Variants in EXOC6B observed in about 807,000 individuals in gnomAD.
EXOC6B encodes SEC15 homolog B.
EXOC6B carries 54 observed loss-of-function variants against 113.5 expected under a neutral mutation model. The ratio of observed to expected loss-of-function variants is 0.48; its 90% CI spans 0.38 to 0.60. The LOEUF is 0.60. Among genes scored for constraint, EXOC6B ranks in the 20% least tolerant of loss-of-function variants. The pLI, the probability that EXOC6B is intolerant of heterozygous loss-of-function variation, is 0.00. For synonymous variants in EXOC6B, 357 were observed against 339.0 expected (o/e 1.05, Z -0.58); for missense variants, 797 against 977.5 (o/e 0.82, Z 2.46).
intron 6 of EXOC6B, among the ~76,000 whole-genome samples, chr2:72,713,949 G>C (rs576114726): frequency 6.6e-6 from 1 of 152,078 alleles, no homozygotes; most frequent in African/African-American, 2.4e-5. Context: ...TTGACCTCTG[G>C]CCAATATAAT....
chr2:72,607,732 TACAA>T lies in EXOC6B; in HGVS notation c.670-32068_670-32065del, dbSNP rs144879063. Among the ~76,000 whole-genome samples the T allele has an allele frequency of 7.3e-3, 1,106 of 152,250 alleles. 13 individuals are homozygous for T. The highest frequency in any genetic ancestry group is 0.026 in the African/African-American group (1,061 of 41,566). On this transcript the variant is annotated intron_variant, in intron 6 of 21. Coordinates refer to ENST00000272427, the MANE Select transcript of EXOC6B (RefSeq NM_015189.3). ...TAATTCTTGTAAGTTAAGCAAACTT[TACAA>T]ACAAAGAAATTTTCTAATATTCTGT...
In EXOC6B at chr2:72,386,298, T is replaced by C. The variant is rs546622429; in HGVS notation, c.1981-6428A>G. Among the ~76,000 whole-genome samples the C allele has an allele frequency of 1.6e-4, 25 of 152,170 alleles. No homozygotes were observed. In the South Asian group the frequency reaches 5.0e-3, roughly 30 times the overall value. On this transcript the variant is annotated intron_variant, in intron 18 of 21. Transcript: ENST00000272427. ...TTAGAAAAATTGCAGCCTGGTCATG[T>C]AGTAGAAAAGAACAGCCCATTTTCA... is the stretch of plus-strand genomic sequence containing the variant.
chr2:72,708,620 A>G (rs767360731), intron 6 of EXOC6B, among the ~76,000 whole-genome samples: 11 of 152,218 alleles, frequency 7.2e-5, no homozygotes, highest in Non-Finnish European at 1.5e-4. Flanking sequence ...GAATTTTGGA[A>G]GGTGATAGAA....
chr2:72,519,996 A>G (rs1013123909), intron 8 of EXOC6B, among the ~76,000 whole-genome samples: 3 of 152,300 alleles, frequency 2.0e-5, no homozygotes, highest in Non-Finnish European at 4.4e-5. Flanking sequence ...AACATCAACT[A>G]CTTAGAAAAG....
chr2:72,397,990 T>G (rs561710439), intron 18 of EXOC6B, among the ~76,000 whole-genome samples: 2 of 152,286 alleles, frequency 1.3e-5, no homozygotes, highest in East Asian at 3.9e-4. Context: ...GTATAGCATT[T>G]GTAATGGTTA....
intron 19 of EXOC6B, among the ~76,000 whole-genome samples, chr2:72,339,811 G>T (rs146944831): frequency 6.6e-6 from 1 of 152,064 alleles, no homozygotes; most frequent in Admixed American, 6.5e-5. Context: ...AGGAAAGAAG[G>T]TATATTGTCA....
chr2:72,526,979 A>G (rs1286663571), intron 8 of EXOC6B, among the ~76,000 whole-genome samples: 2 of 152,064 alleles, frequency 1.3e-5, no homozygotes, highest in East Asian at 3.9e-4. Flanking sequence ...CATCCAGGAA[A>G]CTGATATTGA....
intron 19 of EXOC6B, among the ~76,000 whole-genome samples, chr2:72,351,318 G>A (rs1321910453): frequency 2.0e-5 from 3 of 152,140 alleles, no homozygotes; most frequent in Admixed American, 2.0e-4. Flanking sequence ...CAATTAAACG[G>A]TTCATAGTCA....
chr2:72,177,124 A>G lies in EXOC6B; in HGVS notation c.*2211T>C, dbSNP rs910981573. On this transcript the variant is annotated 3_prime_UTR_variant, in exon 22 of 22. Coordinates refer to ENST00000272427, the MANE Select transcript of EXOC6B (RefSeq NM_015189.3). ...ACTAAGAATGGAGAGAAGATATATC[A>G]AAGGGTCCATCTTTATGTCTTGAGC... The G allele has an allele frequency of 6.6e-6, 1 of 152,170 alleles. No individual in the cohort carries two copies. The highest frequency in any genetic ancestry group is 6.5e-5 in the Admixed American group (1 of 15,280). The allele number at this position is 152,170 out of a possible 1,614,324, so 9.4% of individuals were successfully genotyped here.
At chr2:72,471,029 G>A (rs1698374860) in intron 17 of EXOC6B, among the ~76,000 whole-genome samples, 1 of 152,108 alleles carries the variant, frequency 6.6e-6, no homozygotes, top group Non-Finnish European at 1.5e-5. Context: ...CTAGATCCTT[G>A]AGGAATCACC....
At chr2:72,464,827 C>T (rs1339181173) in intron 18 of EXOC6B, 1 of 284,634 alleles carries the variant, frequency 3.5e-6, no homozygotes, top group Non-Finnish European at 6.4e-6. Flanking sequence ...TATTCTAAAA[C>T]TAAAATATAC....
chr2:72,426,912 GT>G (rs1385934062), intron 18 of EXOC6B, among the ~76,000 whole-genome samples: 2 of 152,326 alleles, frequency 1.3e-5, no homozygotes, highest in East Asian at 3.9e-4. Context: ...GCGGCAGTGG[GT>G]CACCTATGCC....
intron 18 of EXOC6B, among the ~76,000 whole-genome samples, chr2:72,416,441 A>C (rs1416670521): frequency 1.3e-5 from 2 of 152,230 alleles, no homozygotes; most frequent in Non-Finnish European, 2.9e-5. Flanking sequence ...CAAATATCTA[A>C]CATATAACTG....
chr2:72,787,848 G>T (rs1175896870), intron 1 of EXOC6B, among the ~76,000 whole-genome samples: 1 of 152,080 alleles, frequency 6.6e-6, no homozygotes, highest in African/African-American at 2.4e-5. Context: ...ATGTTGCCCA[G>T]GCCAGAACTG....
chr2:72,566,100 T>C (rs1030249284), intron 7 of EXOC6B, among the ~76,000 whole-genome samples: 1 of 152,084 alleles, frequency 6.6e-6, no homozygotes. Flanking sequence ...CAAATGCATA[T>C]AGACCTGTAA....
intron 1 of EXOC6B, among the ~76,000 whole-genome samples, chr2:72,745,489 T>C (rs1433451914): frequency 6.6e-6 from 1 of 152,006 alleles, no homozygotes; most frequent in Non-Finnish European, 1.5e-5. Context: ...AAAACACCCA[T>C]ATTTAAAACA....
rs562629869 is a variant in EXOC6B at position 72,784,310 on chromosome 2, C to G, written c.113+41488G>C. Among the ~76,000 whole-genome samples, 10 of 152,248 alleles carry G rather than the reference C, an allele frequency of 6.6e-5. No homozygotes were observed. In the East Asian group the frequency reaches 9.6e-4, roughly 15 times the overall value. On this transcript the variant is annotated intron_variant, in intron 1 of 21. Transcript: ENST00000272427. ...TTGCTTTGTTCTTTTTGTTCAGAAT[C>G]AATTTGACTATTCAGGTTCTTTTTT...
intron 1 of EXOC6B, among the ~76,000 whole-genome samples, chr2:72,776,146 CTG>C (rs1055955109): frequency 6.6e-6 from 1 of 151,990 alleles, no homozygotes; most frequent in African/African-American, 2.4e-5. Flanking sequence ...TTTCTTATAA[CTG>C]TATGTGAAAC....
chr2:72,742,558 A>G (rs180811395), intron 1 of EXOC6B, among the ~76,000 whole-genome samples: 1 of 152,214 alleles, frequency 6.6e-6, no homozygotes, highest in Admixed American at 6.5e-5. Context: ...TTGCCTTACT[A>G]AAGTATTCAT....
Sources: allele counts gnomAD v4.1 joint callset (sites outside exome capture counted in the v4.1 genomes callset), GRCh38; gene constraint gnomAD v4.1.1; transcripts MANE v1.5; gene names NCBI Gene and HGNC (gene_info 2026-07-23, HGNC 2026-07-21).